Variants in ENPP2 observed in about 807,000 individuals in gnomAD.
ENPP2 encodes autotaxin.
ENPP2 carries 51 observed loss-of-function variants against 120.2 expected under a neutral mutation model. That is an observed-to-expected ratio of 0.42 (90% CI 0.34 to 0.54). The LOEUF (loss-of-function observed/expected upper bound fraction) is 0.54, where lower values mean the gene tolerates loss of function less well. Among genes scored for constraint, ENPP2 ranks in the 20% least tolerant of loss-of-function variants. The pLI, the probability that ENPP2 is intolerant of heterozygous loss-of-function variation, is 0.04. For synonymous variants in ENPP2, 365 were observed against 366.4 expected (o/e 1.00, Z 0.04); for missense variants, 920 against 1,066.5 (o/e 0.86, Z 1.91).
intron 19 of ENPP2, among the ~76,000 whole-genome samples, chr8:119,576,366 G>A (rs141024324): frequency 0.028 from 4,314 of 152,164 alleles, 179 homozygotes; most frequent in African/African-American, 0.096. Context: ...TTGAACTCTT[G>A]ACCTCAGGTG....
chr8:119,583,632 C>T (rs1812902732), intron 17 of ENPP2, 85 bp downstream of exon 17: 2 of 765,010 alleles, frequency 2.6e-6, no homozygotes, highest in South Asian at 1.9e-5. Flanking sequence ...AAAATAGACA[C>T]CTCATTTCTT....
At chr8:119,648,783 T>C (rs1179850749) in intron 1 of ENPP2, among the ~76,000 whole-genome samples, 1 of 152,224 alleles carries the variant, frequency 6.6e-6, no homozygotes, top group Non-Finnish European at 1.5e-5. Flanking sequence ...TCATATTTAA[T>C]GGTGAAAGAC....
At chr8:119,638,984 C>G (rs1325182983), upstream of ENPP2, 1 of 611,144 alleles carries the variant, frequency 1.6e-6, no homozygotes, top group Non-Finnish European at 2.9e-6. Context: ...AAGCTATCAT[C>G]CCCCTTATCC....
chr8:119,644,587 A>AAAAT (rs1817374615), intron 1 of ENPP2, among the ~76,000 whole-genome samples: 1 of 59,978 alleles, frequency 1.7e-5, no homozygotes, highest in Admixed American at 3.1e-4. Flanking sequence ...AGATTACTAA[A>AAAAT]ATATATATAT....
intron 13 of ENPP2, among the ~76,000 whole-genome samples, chr8:119,588,878 A>C (rs1813304964): frequency 6.6e-6 from 1 of 152,194 alleles, no homozygotes; most frequent in Admixed American, 6.5e-5. Context: ...TTGCAGGCTA[A>C]CAGTCCTCAT....
At chr8:119,657,700 G>T (rs1817807030) in intron 1 of ENPP2, among the ~76,000 whole-genome samples, 1 of 152,178 alleles carries the variant, frequency 6.6e-6, no homozygotes, top group South Asian at 2.1e-4. Flanking sequence ...ACAGACATGT[G>T]TGCCTCTTTA....
At chr8:119,639,646 G>A (rs1817206758), upstream of ENPP2, among the ~76,000 whole-genome samples, 2 of 152,072 alleles carry the variant, frequency 1.3e-5, no homozygotes, top group African/African-American at 4.8e-5. Flanking sequence ...AGATGGGTGG[G>A]GGAAGGGGAT....
chr8:119,573,764 G>A (rs1408133097), intron 19 of ENPP2, among the ~76,000 whole-genome samples: 2 of 151,890 alleles, frequency 1.3e-5, no homozygotes, highest in East Asian at 1.9e-4. Context: ...AGCCAAGATC[G>A]TGCGACTGCA....
At chr8:119,567,166 G>A (rs372011683) in intron 22 of ENPP2, among the ~76,000 whole-genome samples, 3 of 152,052 alleles carry the variant, frequency 2.0e-5, no homozygotes, top group Admixed American at 6.6e-5. Flanking sequence ...TTCCCATAAC[G>A]ATTTAAGTTC....
intron 4 of ENPP2, 73 bp from the exon 5 acceptor site, chr8:119,619,377 G>A: frequency 1.9e-6 from 2 of 1,028,732 alleles, no homozygotes; most frequent in Non-Finnish European, 3.1e-6. Flanking sequence ...CACAATTCCA[G>A]GATCTGTGTC....
At chr8:119,622,032 G>A (rs193286287) in intron 3 of ENPP2, among the ~76,000 whole-genome samples, 1 of 152,218 alleles carries the variant, frequency 6.6e-6, no homozygotes, top group East Asian at 1.9e-4. Flanking sequence ...TGGTTCAAGC[G>A]ATTATCCCGC....
intron 8 of ENPP2, among the ~76,000 whole-genome samples, chr8:119,610,796 A>C (rs1815050034): frequency 6.6e-6 from 1 of 151,796 alleles, no homozygotes; most frequent in East Asian, 1.9e-4. Context: ...CCAGCTACTC[A>C]GGAGGCTGAG....
At chr8:119,632,474 C>G (rs958840646) in intron 2 of ENPP2, among the ~76,000 whole-genome samples, 3 of 152,150 alleles carry the variant, frequency 2.0e-5, no homozygotes, top group Non-Finnish European at 4.4e-5. Flanking sequence ...AGATGCAAGT[C>G]AGTTCCAGAA....
chr8:119,602,642 G>A (rs979061236), intron 9 of ENPP2, among the ~76,000 whole-genome samples: 4 of 152,056 alleles, frequency 2.6e-5, no homozygotes, highest in Non-Finnish European at 4.4e-5. Flanking sequence ...TTGCATCCCC[G>A]GCTGAGTTAC....
intron 2 of ENPP2, 58 bp from the exon 3 acceptor site, chr8:119,626,778 A>G: frequency 1.3e-6 from 2 of 1,529,152 alleles, no homozygotes; most frequent in Non-Finnish European, 1.8e-6. Context: ...CACCATGGAA[A>G]GGTGGCACTG....
At chr8:119,596,013 G>A (rs754127383) in intron 11 of ENPP2, 19 of 1,612,812 alleles carry the variant, frequency 1.2e-5, no homozygotes, top group African/African-American at 5.3e-5. Context: ...CTGTACTGGC[G>A]GATAGAGATG....
intron 11 of ENPP2, among the ~76,000 whole-genome samples, chr8:119,598,883 G>A (rs941356443): frequency 2.6e-5 from 4 of 152,092 alleles, no homozygotes; most frequent in African/African-American, 2.4e-5. Flanking sequence ...CGAAAGTACC[G>A]GAGTCCTACT....
At chr8:119,644,619 TATATATACACAC>T (rs1386407577) in intron 1 of ENPP2, among the ~76,000 whole-genome samples, 5 of 106,616 alleles carry the variant, frequency 4.7e-5, no homozygotes, top group African/African-American at 1.2e-4. Flanking sequence ...TATATATATA[TATATATACACAC>T]ACACACACAC....
intron 2 of ENPP2, among the ~76,000 whole-genome samples, chr8:119,630,334 C>T (rs937715286): frequency 6.6e-6 from 1 of 152,156 alleles, no homozygotes; most frequent in Admixed American, 6.5e-5. Flanking sequence ...TCTTTAACTC[C>T]TGACCTCAGG....
Sources: allele counts gnomAD v4.1 joint callset (sites outside exome capture counted in the v4.1 genomes callset), GRCh38; gene constraint gnomAD v4.1.1; transcripts MANE v1.5; gene names NCBI Gene and HGNC (gene_info 2026-07-23, HGNC 2026-07-21).